The following NRXN3 variants were observed in gnomAD, a reference collection of about 807,000 sequenced individuals.
The protein encoded by NRXN3 is neurexin III.
In NRXN3, 32 loss-of-function variants were observed where a neutral mutation model predicts 137.6. The observed-to-expected ratio is 0.23, with a 90% CI of 0.18 to 0.31. The LOEUF is 0.31. Ranked by LOEUF, NRXN3 falls within the 10% of genes least tolerant of loss-of-function variation. The pLI is 1.00. For synonymous variants in NRXN3, 798 were observed against 784.5 expected, an observed-to-expected ratio of 1.02 and a Z score of -0.29; for missense variants, 1,574 against 2,062.5, an observed-to-expected ratio of 0.76 and a Z score of 4.59.
chr14:79,124,486 C>T (rs1447929097), intron 15 of NRXN3, among the ~76,000 whole-genome samples: 1 of 152,180 alleles, frequency 6.6e-6, no homozygotes, highest in Non-Finnish European at 1.5e-5. Flanking sequence ...TGTGTGCTTG[C>T]ATGCCAGTGA....
At chr14:79,274,863 G>C (rs2080029518) in intron 15 of NRXN3, among the ~76,000 whole-genome samples, 1 of 152,104 alleles carries the variant, frequency 6.6e-6, no homozygotes, top group South Asian at 2.1e-4. Context: ...CATAACTATG[G>C]ATGTTTATTA....
chr14:79,387,186 T>A (rs1415841001), intron 15 of NRXN3, among the ~76,000 whole-genome samples: 2 of 151,608 alleles, frequency 1.3e-5, no homozygotes, highest in Non-Finnish European at 2.9e-5. Flanking sequence ...TGGGAGAAAA[T>A]TTTTGCAATC....
chr14:79,392,724 C>A (rs1411253798), intron 15 of NRXN3, among the ~76,000 whole-genome samples: 3 of 152,094 alleles, frequency 2.0e-5, no homozygotes, highest in African/African-American at 7.2e-5. Context: ...GTAATCCCAG[C>A]ATTTTGGGAG....
chr14:79,541,581 G>T (rs1386746792), intron 16 of NRXN3, among the ~76,000 whole-genome samples: 1 of 152,144 alleles, frequency 6.6e-6, no homozygotes, highest in Non-Finnish European at 1.5e-5. Context: ...GTATAAAGAT[G>T]AGCTATAGGC....
intron 4 of NRXN3, among the ~76,000 whole-genome samples, chr14:78,622,191 A>C (rs886205544): frequency 6.6e-6 from 1 of 152,194 alleles, no homozygotes; most frequent in African/African-American, 2.4e-5. Context: ...CCCAGCTGCC[A>C]GTTTGACTAG....
At chr14:79,218,322 A>C (rs1378895428) in intron 15 of NRXN3, among the ~76,000 whole-genome samples, 3 of 152,214 alleles carry the variant, frequency 2.0e-5, no homozygotes, top group African/African-American at 7.2e-5. Flanking sequence ...GACTTTAACA[A>C]TCTTATTTCA....
In NRXN3 at chr14:78,762,104, A is replaced by G. The variant is rs150934610; in HGVS notation, c.2045-41516A>G. Among the ~76,000 whole-genome samples the G allele has an allele frequency of 1.0e-3, 154 of 152,292 alleles. 1 individual carries two copies. The highest frequency in any genetic ancestry group is 3.6e-3 in the African/African-American group (148 of 41,568). ...TCTTACTCCAAAGACCATTCTCTTTATTATTAAACTATTGATTAGCAGTGA... is the reference window on the plus strand; with the variant it reads ...TCTTACTCCAAAGACCATTCTCTTTGTTATTAAACTATTGATTAGCAGTGA... On this transcript the variant is annotated intron_variant, in intron 8 of 20. Transcript: ENST00000335750.
chr14:78,501,206 C>T (rs1175983336), intron 4 of NRXN3, among the ~76,000 whole-genome samples: 4 of 152,170 alleles, frequency 2.6e-5, no homozygotes, highest in Non-Finnish European at 5.9e-5. Flanking sequence ...CAGGCATACC[C>T]TTGCTGCGTC....
chr14:78,939,976 A>G lies in NRXN3; in HGVS notation c.2276-17266A>G, dbSNP rs555685674. Among the ~76,000 whole-genome samples, 7 of 152,316 alleles carry G rather than the reference A, an allele frequency of 4.6e-5. No individual in the cohort carries two copies. The South Asian group carries it at 1.2e-3, about 27-fold the overall frequency. On this transcript the variant is annotated intron_variant, in intron 10 of 20. Transcript: ENST00000335750. ...AAAATCGAATAATCTTAAATAATGC[A>G]GCAAACACACGTTGCAGCCTGTTTA...
intron 16 of NRXN3, among the ~76,000 whole-genome samples, chr14:79,495,628 T>G (rs2096758836): frequency 6.6e-6 from 1 of 152,194 alleles, no homozygotes; most frequent in South Asian, 2.1e-4. Flanking sequence ...ATTTAATCCT[T>G]ACAACAACCC....
chr14:78,978,092 C>T (rs992953127), intron 14 of NRXN3, among the ~76,000 whole-genome samples: 1 of 152,152 alleles, frequency 6.6e-6, no homozygotes, highest in Non-Finnish European at 1.5e-5. Context: ...AGTGAAACTG[C>T]TCCAAATGTT....
chr14:78,610,026 G>C (rs1240753311), intron 4 of NRXN3, among the ~76,000 whole-genome samples: 2 of 151,346 alleles, frequency 1.3e-5, no homozygotes, highest in African/African-American at 2.5e-5. Context: ...AGAGGGAGGA[G>C]AGAGGGAGGG....
intron 4 of NRXN3, among the ~76,000 whole-genome samples, chr14:78,555,497 G>A (rs778819004): frequency 2.6e-5 from 4 of 152,140 alleles, no homozygotes; most frequent in Non-Finnish European, 5.9e-5. Flanking sequence ...CTCTACTAGT[G>A]CAACAAGATG....
intron 16 of NRXN3, among the ~76,000 whole-genome samples, chr14:79,604,386 C>T (rs2097971216): frequency 6.6e-6 from 1 of 151,738 alleles, no homozygotes; most frequent in South Asian, 2.1e-4. Flanking sequence ...AGGCGCCTGC[C>T]ACCATGCCCA....
chr14:79,247,210 C>G (rs2075312635), intron 15 of NRXN3: 1 of 151,970 alleles, frequency 6.6e-6, no homozygotes, highest in African/African-American at 2.4e-5. Flanking sequence ...ACCACCACTC[C>G]CCACCCCCTG....
At chr14:78,818,400 A>G (rs1023843160) in intron 10 of NRXN3, among the ~76,000 whole-genome samples, 1 of 152,166 alleles carries the variant, frequency 6.6e-6, no homozygotes, top group Non-Finnish European at 1.5e-5. Context: ...AAAATTGTTA[A>G]GAATCAACAT....
At chr14:78,659,831 C>T (rs1400761555) in intron 6 of NRXN3, among the ~76,000 whole-genome samples, 1 of 151,422 alleles carries the variant, frequency 6.6e-6, no homozygotes, top group Non-Finnish European at 1.5e-5. Context: ...TTCTGGATTA[C>T]AAGGAATTGA....
At chr14:78,548,617 C>T (rs914408035) in intron 4 of NRXN3, among the ~76,000 whole-genome samples, 1 of 152,178 alleles carries the variant, frequency 6.6e-6, no homozygotes, top group African/African-American at 2.4e-5. Context: ...AACCCTTTTC[C>T]GTTGCCCCCT....
intron 10 of NRXN3, among the ~76,000 whole-genome samples, chr14:78,887,489 G>A (rs2099146918): frequency 6.6e-6 from 1 of 151,998 alleles, no homozygotes; most frequent in African/African-American, 2.4e-5. Flanking sequence ...TCTTCAAAAT[G>A]TTTGGTGAGG....
Sources: gnomAD v4.1 joint callset for allele counts (sites outside exome capture counted in the v4.1 genomes callset) on GRCh38, gnomAD v4.1.1 for gene constraint, MANE v1.5 for transcripts, NCBI Gene and HGNC (gene_info 2026-07-23, HGNC 2026-07-21) for gene names.